GABRB3: variants seen among roughly 807,000 people sequenced by gnomAD.
GABRB3 encodes gamma-aminobutyric acid receptor subunit beta-3.
A neutral mutation model predicts 52.1 loss-of-function variants in GABRB3; 14 were observed. The observed-to-expected ratio is 0.27, with a 90% CI of 0.18 to 0.42. The LOEUF (loss-of-function observed/expected upper bound fraction) is 0.42, where lower values mean the gene tolerates loss of function less well. GABRB3 is among the 10% of genes least tolerant of loss of function. The probability of loss-of-function intolerance (pLI) is 1.00; values close to 1 mark genes in which losing one functional copy is unlikely to be tolerated. For missense variants in GABRB3, 307 were observed against 609.1 expected, an observed-to-expected ratio of 0.50 and a Z score of 5.22; for synonymous variants, 260 against 232.3, an observed-to-expected ratio of 1.12 and a Z score of -1.08.
At chr15:26,624,920 G>T (rs1892632331) in intron 3 of GABRB3, 2 of 985,550 alleles carry the variant, frequency 2.0e-6, no homozygotes, top group Non-Finnish European at 2.4e-6. Flanking sequence ...GGAACAGCGG[G>T]CAGCCGCTTG....
chr15:26,768,889 G>C lies in GABRB3; in HGVS notation c.240+3513C>G, dbSNP rs557410150. 2.0e-5 allele frequency among the ~76,000 whole-genome samples: 3 copies of C among 152,210 alleles called. No individual in the cohort carries two copies. In the East Asian group the frequency reaches 5.8e-4, roughly 29 times the overall value. ...CATAACTCCACTATCCATGAAGCAAGCTATGGCAAAACCAATGCTAAATAT... is the reference window on the plus strand; with the variant it reads ...CATAACTCCACTATCCATGAAGCAACCTATGGCAAAACCAATGCTAAATAT... On this transcript the variant is annotated intron_variant, in intron 3 of 8. Coordinates refer to ENST00000311550, the MANE Select transcript of GABRB3 (RefSeq NM_000814.6).
At chr15:26,751,494 T>C (rs140618517) in intron 3 of GABRB3, among the ~76,000 whole-genome samples, 1 of 152,126 alleles carries the variant, frequency 6.6e-6, no homozygotes, top group East Asian at 1.9e-4. Flanking sequence ...CAGAAGATCA[T>C]GAGATAAAGA....
intron 4 of GABRB3, among the ~76,000 whole-genome samples, chr15:26,589,085 G>A (rs370300028): frequency 2.0e-5 from 3 of 152,286 alleles, no homozygotes; most frequent in South Asian, 2.1e-4. Flanking sequence ...CAAGATCCAC[G>A]GATGTCAGTG....
chr15:26,675,177 ACTG>A (rs1450087887), intron 3 of GABRB3, among the ~76,000 whole-genome samples: 1 of 152,202 alleles, frequency 6.6e-6, no homozygotes, highest in Non-Finnish European at 1.5e-5. Flanking sequence ...TTCTCATAGC[ACTG>A]CTATTTCTTT....
At chr15:26,639,460 A>G (rs1283908890) in intron 3 of GABRB3, among the ~76,000 whole-genome samples, 1 of 152,216 alleles carries the variant, frequency 6.6e-6, no homozygotes, top group East Asian at 1.9e-4. Flanking sequence ...TTTATTAGGA[A>G]TTATGAGAAT....
upstream of GABRB3, among the ~76,000 whole-genome samples, chr15:26,773,461 G>A (rs568981684): frequency 4.4e-3 from 662 of 151,616 alleles, 1 homozygote; most frequent in Admixed American, 7.2e-3. Flanking sequence ...CAGCCTCGGC[G>A]CCGGCATAAG....
intron 5 of GABRB3, among the ~76,000 whole-genome samples, chr15:26,581,562 C>A (rs1265192891): frequency 5.9e-5 from 9 of 152,184 alleles, no homozygotes. Flanking sequence ...AACCTACAGG[C>A]CTGACCCCTG....
rs76962261 is a variant in GABRB3, at chr15:26,547,946, G to C, written c.1269C>G (p.His423Gln). ...GRFLGDRSLP[H>Q]KKTHLRRRSS... ...ACCTCCTCCGTAGATGGGTCTTCTT[G>C]TGCGGGAGGCTTCTGTCCCCCAGGA... Residue 423 changes from histidine (H) to glutamine (Q), a missense_variant, in exon 9 of 9, where the codon CAC (histidine) becomes CAG (glutamine). By Grantham distance (24) the His-to-Gln change is conservative (BLOSUM62 0). Around this residue, in one of 6 missense-constraint regions of GABRB3, gnomAD observed 115 missense variants for 166.9 expected, o/e 0.69. Transcript: ENST00000311550. 2.5e-5 allele frequency: 41 copies of C among 1,614,050 alleles called. No homozygotes were observed. In the Admixed American group the frequency reaches 6.8e-4, roughly 27 times the overall value.
At position 26,773,013 on chromosome 15, in the gene GABRB3, A is replaced by G; in HGVS notation, c.-51T>C. The G allele has an allele frequency of 7.8e-7, 1 of 1,280,180 alleles. No individual in the cohort carries two copies. Among genetic ancestry groups the G allele is most frequent in the Non-Finnish European group, 9.9e-7 (1 of 1,005,958 alleles). The allele number at this position is 1,280,180 out of a possible 1,614,324, so 79.3% of individuals were successfully genotyped here. A position where few individuals can be genotyped will look rare whatever the true frequency, so the allele number is the denominator to read the frequency against. ...GAGGGGGCGCCCCGCCGCCGTCGCG[A>G]CCCGCAGCCGGGGCTGCTCCTGCTG... is the stretch of plus-strand genomic sequence containing the variant. On this transcript the variant is annotated 5_prime_UTR_variant, in exon 1 of 9. Transcript: ENST00000311550.
intron 4 of GABRB3, chr15:26,616,104 T>G: frequency 7.8e-7 from 1 of 1,284,558 alleles, no homozygotes; most frequent in South Asian, 1.2e-5. Context: ...TTACACACAC[T>G]GGCCCACTCC....
chr15:26,624,225 G>A (rs1027553473), intron 3 of GABRB3: 51 of 985,502 alleles, frequency 5.2e-5, no homozygotes, highest in Middle Eastern at 5.2e-4. Context: ...TGGTGTGGGC[G>A]GTGCGCTGGA....
chr15:26,739,224 C>G (rs1283505682), intron 3 of GABRB3, among the ~76,000 whole-genome samples: 1 of 152,022 alleles, frequency 6.6e-6, no homozygotes, highest in Non-Finnish European at 1.5e-5. Context: ...CTACATCACA[C>G]TCAGTAAGGT....
intron 6 of GABRB3, 29 bp from the exon 7 acceptor site, chr15:26,567,762 T>C: frequency 1.2e-6 from 2 of 1,610,548 alleles, no homozygotes; most frequent in Non-Finnish European, 8.5e-7. Flanking sequence ...GATATTACAC[T>C]GGAGAAACAA....
chr15:26,728,729 T>G (rs1026279681), intron 3 of GABRB3, among the ~76,000 whole-genome samples: 1 of 152,244 alleles, frequency 6.6e-6, no homozygotes, highest in African/African-American at 2.4e-5. Context: ...TTCCTCAGAC[T>G]TTCAAACTCA....
rs1420932973 is a variant in GABRB3, at chr15:26,740,330, T to C, written c.240+32072A>G. 3.9e-5 allele frequency among the ~76,000 whole-genome samples: 6 copies of C among 152,100 alleles called. No homozygotes were observed. In the East Asian group the frequency reaches 7.8e-4, roughly 20 times the overall value. ...GCTCAGGGGCCCAATGGGGTAGAAGTAGTGATCAATTCACCCTGGCTGAAT... is the reference window on the plus strand; with the variant it reads ...GCTCAGGGGCCCAATGGGGTAGAAGCAGTGATCAATTCACCCTGGCTGAAT... On this transcript the variant is annotated intron_variant, in intron 3 of 8. Coordinates refer to ENST00000311550, the MANE Select transcript of GABRB3 (RefSeq NM_000814.6).
At chr15:26,731,766 T>C (rs925126654) in intron 3 of GABRB3, among the ~76,000 whole-genome samples, 1 of 152,232 alleles carries the variant, frequency 6.6e-6, no homozygotes, top group African/African-American at 2.4e-5. Flanking sequence ...ACAGCAGAGT[T>C]GTGAACACGA....
intron 3 of GABRB3, among the ~76,000 whole-genome samples, chr15:26,710,898 C>CTTTTTTTTTT (rs893200999): frequency 7.0e-6 from 1 of 143,062 alleles, no homozygotes; most frequent in Non-Finnish European, 1.5e-5. Flanking sequence ...ACACTTTGAT[C>CTTTTTTTTTT]TTTTTTTTTT....
chr15:26,670,536 C>T (rs1158247319), intron 3 of GABRB3, among the ~76,000 whole-genome samples: 1 of 152,200 alleles, frequency 6.6e-6, no homozygotes, highest in African/African-American at 2.4e-5. Flanking sequence ...GTGCCGACCG[C>T]AGCTCCACGC....
rs534101498 is a variant in GABRB3 at position 26,649,472 on chromosome 15, T to C, written c.241-27938A>G. 2.6e-5 allele frequency among the ~76,000 whole-genome samples: 4 copies of C among 152,336 alleles called. No individual in the cohort carries two copies. In the East Asian group the frequency reaches 5.8e-4, roughly 22 times the overall value. ...CAGAACTGTGAGAAATACATTTCTA[T>C]TGTTAATAAATTACCTGGTCTGTGG... On this transcript the variant is annotated intron_variant, in intron 3 of 8. Coordinates refer to ENST00000311550, the MANE Select transcript of GABRB3 (RefSeq NM_000814.6).
Sources: allele counts gnomAD v4.1 joint callset (sites outside exome capture counted in the v4.1 genomes callset), GRCh38; gene constraint gnomAD v4.1.1; regional missense constraint gnomAD v4.1.1; transcripts MANE v1.5; gene names NCBI Gene and HGNC (gene_info 2026-07-23, HGNC 2026-07-21).